IQGAP2: variants seen among roughly 807,000 people sequenced by gnomAD.
The protein encoded by IQGAP2 is IQ motif containing GTPase activating protein 2.
In IQGAP2, 173 loss-of-function variants were observed where a neutral mutation model predicts 201.3. That is an observed-to-expected ratio of 0.86 (90% CI 0.76 to 0.98). The LOEUF (loss-of-function observed/expected upper bound fraction) is 0.98, where lower values mean the gene tolerates loss of function less well. Among genes scored for constraint, IQGAP2 ranks in the 50% least tolerant of loss-of-function variants. The pLI, the probability that IQGAP2 is intolerant of heterozygous loss-of-function variation, is 0.00. For synonymous variants in IQGAP2, 675 were observed against 673.9 expected, an observed-to-expected ratio of 1.00 and a Z score of -0.03; for missense variants, 1,687 against 1,864.8, an observed-to-expected ratio of 0.90 and a Z score of 1.76.
intron 5 of IQGAP2, among the ~76,000 whole-genome samples, chr5:76,580,157 T>A (rs1362978319): frequency 6.6e-6 from 1 of 151,986 alleles, no homozygotes; most frequent in Non-Finnish European, 1.5e-5. Flanking sequence ...GTGCCTATAA[T>A]CACAGCTACT....
At chr5:76,506,794 A>C (rs1463588279) in intron 2 of IQGAP2, among the ~76,000 whole-genome samples, 2 of 152,244 alleles carry the variant, frequency 1.3e-5, no homozygotes, top group Non-Finnish European at 2.9e-5. Flanking sequence ...TGAAATACTC[A>C]GGTATAAGTC....
At chr5:76,429,468 G>A (rs191925813) in intron 1 of IQGAP2, among the ~76,000 whole-genome samples, 2,467 of 149,686 alleles carry the variant, frequency 0.016, 66 homozygotes, top group African/African-American at 0.056. Flanking sequence ...GCTACTTGGG[G>A]GGCTGAGGCA....
intron 1 of IQGAP2, among the ~76,000 whole-genome samples, chr5:76,434,441 G>A (rs144752577): frequency 3.3e-5 from 5 of 152,150 alleles, no homozygotes; most frequent in Admixed American, 6.5e-5. Flanking sequence ...AGAATGTAAC[G>A]GTGTTTGATT....
intron 1 of IQGAP2, among the ~76,000 whole-genome samples, chr5:76,429,429 A>G (rs4516830): frequency 0.85 from 127,066 of 149,806 alleles, 54,350 homozygotes; most frequent in Non-Finnish European, 0.9. Context: ...AAAATTAGCC[A>G]GGCGTGGTGG....
Position 76,611,131 on chromosome 5 carries a change from A to G in IQGAP2, c.1469A>G (p.His490Arg), listed in dbSNP as rs775917606. 3.1e-6 allele frequency: 5 copies of G among 1,613,924 alleles called. No homozygotes were observed. The highest frequency in any genetic ancestry group is 2.7e-5 in the African/African-American group (2 of 74,924). The change falls in exon 13 of 36, where the codon CAT becomes CGT. Residue 490 changes from histidine (H) to arginine (R), a missense_variant. By Grantham distance (29) the His-to-Arg change is conservative (BLOSUM62 0). Coordinates refer to ENST00000274364, the MANE Select transcript of IQGAP2 (RefSeq NM_006633.5). ...AATATTAGTGATGTGGACCCAGCCCATGCCCAGCACTACCAGGATGTTTTA... is the reference window on the plus strand; with the variant it reads ...AATATTAGTGATGTGGACCCAGCCCGTGCCCAGCACTACCAGGATGTTTTA... Reference protein sequence around the residue: ...TANISDVDPAHAQHYQDVLYH... With the variant: ...TANISDVDPARAQHYQDVLYH...
chr5:76,434,752 C>T (rs1417026169), intron 1 of IQGAP2, among the ~76,000 whole-genome samples: 1 of 152,102 alleles, frequency 6.6e-6, no homozygotes, highest in Non-Finnish European at 1.5e-5. Flanking sequence ...AATGGTAGAT[C>T]TACTTTTAGT....
At chr5:76,589,015 A>T (rs780058162) in intron 6 of IQGAP2, 42 bp downstream of exon 6, 1 of 1,385,536 alleles carries the variant, frequency 7.2e-7, no homozygotes, top group Non-Finnish European at 1.0e-6. Flanking sequence ...ATCTAGTTAT[A>T]AAAAGTACCA....
chr5:76,677,824 T>G (rs1216850665), intron 28 of IQGAP2, among the ~76,000 whole-genome samples: 2 of 152,194 alleles, frequency 1.3e-5, no homozygotes, highest in South Asian at 2.1e-4. Flanking sequence ...CACAGCTACT[T>G]AAGAGGCTGA....
At chr5:76,484,208 G>T (rs576840587) in intron 2 of IQGAP2, among the ~76,000 whole-genome samples, 3 of 152,026 alleles carry the variant, frequency 2.0e-5, no homozygotes, top group African/African-American at 7.2e-5. Flanking sequence ...AAACTTCAAA[G>T]AACTCAAAAT....
chr5:76,505,508 T>C (rs969780728), intron 2 of IQGAP2, among the ~76,000 whole-genome samples: 1 of 152,180 alleles, frequency 6.6e-6, no homozygotes, highest in Non-Finnish European at 1.5e-5. Context: ...TAGGGAGACA[T>C]TGAGGAGACT....
intron 2 of IQGAP2, among the ~76,000 whole-genome samples, chr5:76,520,908 C>T (rs1758644499): frequency 3.3e-5 from 5 of 151,930 alleles, no homozygotes; most frequent in African/African-American, 1.2e-4. Flanking sequence ...GAGGTTTCAC[C>T]ATGCTGGCCA....
chr5:76,681,077 G>A (rs1200292194), intron 28 of IQGAP2, among the ~76,000 whole-genome samples: 7 of 114,140 alleles, frequency 6.1e-5, no homozygotes, highest in Non-Finnish European at 1.2e-4. Flanking sequence ...GCAGCAGAGC[G>A]AGACTTTGTC....
intron 23 of IQGAP2, among the ~76,000 whole-genome samples, chr5:76,670,583 A>G (rs943897223): frequency 6.6e-6 from 1 of 152,180 alleles, no homozygotes; most frequent in South Asian, 2.1e-4. Context: ...ATAAAAAGGA[A>G]TGACTGGGTA....
intron 21 of IQGAP2, chr5:76,660,310 C>T (rs181622664): frequency 1.2e-3 from 187 of 152,288 alleles, no homozygotes; most frequent in African/African-American, 4.1e-3. Context: ...AGGAATAAAA[C>T]TACAGTTTAA....
At chr5:76,658,271 G>A (rs2287930) in intron 20 of IQGAP2, among the ~76,000 whole-genome samples, 188 bp from the exon 21 acceptor site, 67,918 of 151,976 alleles carry the variant, frequency 0.45, 15,614 homozygotes, top group Non-Finnish European at 0.51. Context: ...TGTTTTGTGC[G>A]TTTATTTATT....
chr5:76,500,622 CTA>C (rs1470892431), intron 2 of IQGAP2, among the ~76,000 whole-genome samples: 1 of 152,162 alleles, frequency 6.6e-6, no homozygotes. Context: ...TTGCTAGTCT[CTA>C]TGAGCCCCTT....
chr5:76,542,105 C>T (rs1478447516), intron 2 of IQGAP2, among the ~76,000 whole-genome samples: 1 of 152,060 alleles, frequency 6.6e-6, no homozygotes, highest in Non-Finnish European at 1.5e-5. Context: ...CACCTCAGCC[C>T]TCTGAGTAGG....
intron 31 of IQGAP2, 53 bp downstream of exon 31, chr5:76,693,495 TA>T (rs1423008511): frequency 8.9e-7 from 1 of 1,129,746 alleles, no homozygotes; most frequent in Non-Finnish European, 1.3e-6. Context: ...ATTTTCTTCA[TA>T]AATCTTTATG....
intron 2 of IQGAP2, among the ~76,000 whole-genome samples, chr5:76,464,656 G>A (rs577712096): frequency 4.6e-5 from 7 of 152,190 alleles, no homozygotes; most frequent in Admixed American, 3.9e-4. Context: ...TAATATTCCA[G>A]TATATCTTTT....
Sources: gnomAD v4.1 joint callset for allele counts (sites outside exome capture counted in the v4.1 genomes callset) on GRCh38, gnomAD v4.1.1 for gene constraint, MANE v1.5 for transcripts, NCBI Gene and HGNC (gene_info 2026-07-23, HGNC 2026-07-21) for gene names.